ARHGEF3: variants seen among roughly 807,000 people sequenced by gnomAD.
ARHGEF3 encodes the protein 59.8 kDA protein.
Under a neutral mutation model 63.2 loss-of-function variants are expected in ARHGEF3, and 28 were observed. The observed-to-expected ratio is 0.44, with a 90% CI of 0.33 to 0.61. The LOEUF (loss-of-function observed/expected upper bound fraction) is 0.61. Among genes scored for constraint, ARHGEF3 ranks in the 20% least tolerant of loss-of-function variants. The pLI is 0.03. For synonymous variants in ARHGEF3, 266 were observed against 254.2 expected, an observed-to-expected ratio of 1.05 and a Z score of -0.44; for missense variants, 533 against 659.3, an observed-to-expected ratio of 0.81 and a Z score of 2.10.
At chr3:56,913,163 C>G (rs989609144) in intron 3 of ARHGEF3, among the ~76,000 whole-genome samples, 2 of 20,132 alleles carry the variant, frequency 9.9e-5, no homozygotes, top group Non-Finnish European at 6.5e-4. Flanking sequence ...AAAAAAACAA[C>G]AACAACAACA....
intron 1 of ARHGEF3, among the ~76,000 whole-genome samples, chr3:56,801,011 C>A (rs1473487669): frequency 4.6e-5 from 7 of 152,262 alleles, no homozygotes; most frequent in African/African-American, 1.4e-4. Flanking sequence ...ACATCGCCCG[C>A]AAGGCACAGG....
At chr3:56,804,331 G>A (rs2037788024), upstream of ARHGEF3, among the ~76,000 whole-genome samples, 2 of 152,208 alleles carry the variant, frequency 1.3e-5, no homozygotes, top group South Asian at 4.1e-4. Flanking sequence ...AGGGGATAGT[G>A]GGAATGGTGA....
intron 4 of ARHGEF3, among the ~76,000 whole-genome samples, chr3:56,808,726 A>G: frequency 6.6e-6 from 1 of 152,198 alleles, no homozygotes; most frequent in Non-Finnish European, 1.5e-5. Flanking sequence ...TCTGGTTCAT[A>G]AGAGCAATAC....
chr3:56,783,034 G>A (rs1052859112), intron 1 of ARHGEF3, among the ~76,000 whole-genome samples: 3 of 152,188 alleles, frequency 2.0e-5, no homozygotes, highest in Admixed American at 6.5e-5. Flanking sequence ...GTCTCCCTGT[G>A]AGGTGGTTGC....
chr3:56,963,138 C>T (rs1224548053), intron 2 of ARHGEF3, among the ~76,000 whole-genome samples: 1 of 152,040 alleles, frequency 6.6e-6, no homozygotes, highest in Non-Finnish European at 1.5e-5. Context: ...TCCCTCTGAG[C>T]CTCCATTTTC....
intron 4 of ARHGEF3, among the ~76,000 whole-genome samples, chr3:56,872,933 A>AT (rs1033510016): frequency 6.6e-6 from 1 of 152,212 alleles, no homozygotes; most frequent in African/African-American, 2.4e-5. Flanking sequence ...AACAGTAGTT[A>AT]TTTTTTTGTG....
chr3:56,821,228 G>A (rs2038481551), intron 4 of ARHGEF3, among the ~76,000 whole-genome samples: 1 of 152,114 alleles, frequency 6.6e-6, no homozygotes, highest in Non-Finnish European at 1.5e-5. Context: ...GTACTGATGA[G>A]TAAAGTGATA....
At chr3:56,795,326 C>T (rs2037295912) in intron 1 of ARHGEF3, among the ~76,000 whole-genome samples, 1 of 152,146 alleles carries the variant, frequency 6.6e-6, no homozygotes, top group Admixed American at 6.5e-5. Flanking sequence ...TTCTCTGATG[C>T]AATGACCCTG....
intron 2 of ARHGEF3, among the ~76,000 whole-genome samples, chr3:56,762,127 T>C (rs564099486): frequency 3.9e-4 from 60 of 152,172 alleles, no homozygotes; most frequent in African/African-American, 1.3e-3. Context: ...CTCCAGACAT[T>C]GCCAAATGTT....
At chr3:56,772,383 A>G (rs1389755651) in intron 2 of ARHGEF3, among the ~76,000 whole-genome samples, 1 of 152,212 alleles carries the variant, frequency 6.6e-6, no homozygotes, top group Non-Finnish European at 1.5e-5. Context: ...AACAGTTCTC[A>G]AGTCATGGAT....
intron 2 of ARHGEF3, among the ~76,000 whole-genome samples, chr3:56,972,913 G>A (rs2106857696): frequency 6.6e-6 from 1 of 152,160 alleles, no homozygotes; most frequent in South Asian, 2.1e-4. Context: ...GGGCAGGGAG[G>A]AGGTGAGGAA....
At chr3:56,797,282 C>G (rs907992125) in intron 1 of ARHGEF3, among the ~76,000 whole-genome samples, 2 of 152,160 alleles carry the variant, frequency 1.3e-5, no homozygotes, top group African/African-American at 2.4e-5. Flanking sequence ...CATGTAAAGT[C>G]AACATATTTT....
chr3:56,825,269 T>C (rs13085861), intron 4 of ARHGEF3, among the ~76,000 whole-genome samples: 76,047 of 152,158 alleles, frequency 0.5, 19,469 homozygotes, highest in Non-Finnish European at 0.55. Flanking sequence ...TGCCACTCCA[T>C]TTACAGAGAC....
intron 1 of ARHGEF3, chr3:56,775,126 C>G: frequency 1.9e-6 from 3 of 1,546,680 alleles, no homozygotes; most frequent in Non-Finnish European, 2.6e-6. Context: ...CCAGAGGGAG[C>G]CTCTAGGTAT....
intron 4 of ARHGEF3, among the ~76,000 whole-genome samples, chr3:56,819,941 C>T (rs1219916706): frequency 6.6e-6 from 1 of 151,980 alleles, no homozygotes. Flanking sequence ...TCCCAAGTAG[C>T]TGGGACTACA....
intron 4 of ARHGEF3, among the ~76,000 whole-genome samples, chr3:56,842,937 G>A (rs191100838): frequency 6.6e-6 from 1 of 152,238 alleles, no homozygotes; most frequent in East Asian, 1.9e-4. Flanking sequence ...GGCTAGTCAT[G>A]CCACCAGTTG....
At chr3:57,035,262 G>A in intron 1 of ARHGEF3, 2 of 697,624 alleles carry the variant, frequency 2.9e-6, no homozygotes. Context: ...AAATACAAGG[G>A]GAATATATCA....
At chr3:56,935,274 G>C (rs1460509462) in intron 3 of ARHGEF3, among the ~76,000 whole-genome samples, 1 of 152,128 alleles carries the variant, frequency 6.6e-6, no homozygotes, top group Non-Finnish European at 1.5e-5. Context: ...TGATGGGGAC[G>C]TGGAGAACCT....
chr3:56,868,415 G>C (rs148643819), intron 4 of ARHGEF3, among the ~76,000 whole-genome samples: 1 of 150,492 alleles, frequency 6.6e-6, no homozygotes, highest in Non-Finnish European at 1.5e-5. Flanking sequence ...CTGGAGTGCA[G>C]TGTGGTGCGA....
Sources: allele counts gnomAD v4.1 joint callset (sites outside exome capture counted in the v4.1 genomes callset), GRCh38; gene constraint gnomAD v4.1.1; transcripts MANE v1.5; gene names NCBI Gene and HGNC (gene_info 2026-07-23, HGNC 2026-07-21).